Variants in NEK11 observed in about 807,000 individuals in gnomAD.
The protein encoded by NEK11 is NIMA related kinase 11.
NEK11 carries 72 observed loss-of-function variants against 80.7 expected under a neutral mutation model. The observed-to-expected ratio is 0.89, with a 90% CI of 0.74 to 1.08. The LOEUF is 1.08. Ranked by LOEUF, NEK11 falls within the 50% of genes least tolerant of loss-of-function variation. The pLI is 0.00. For synonymous variants in NEK11, 251 were observed against 260.7 expected (o/e 0.96, Z 0.36); for missense variants, 764 against 763.6 (o/e 1.00, Z -0.01).
At chr3:131,092,330 T>C (rs1303798112) in intron 4 of NEK11, among the ~76,000 whole-genome samples, 1 of 152,178 alleles carries the variant, frequency 6.6e-6, no homozygotes, top group Non-Finnish European at 1.5e-5. Flanking sequence ...CTTGAGAGAA[T>C]ATAGAACACC....
In NEK11 at chr3:131,125,695, G is replaced by C. The variant is rs112226050; in HGVS notation, c.456-7050G>C. Reference sequence around the variant, plus strand: ...TAGTACAGCACATAACATCTAGTTGGCACTCAATAATTGTTTTTTGGATTA... The same window carrying C: ...TAGTACAGCACATAACATCTAGTTGCCACTCAATAATTGTTTTTTGGATTA... On this transcript the variant is annotated intron_variant, in intron 5 of 17. Coordinates refer to ENST00000383366, the MANE Select transcript of NEK11 (RefSeq NM_024800.5). Among the ~76,000 whole-genome samples the C allele has an allele frequency of 2.6e-3, 389 of 152,172 alleles. 1 individual carries two copies. The highest frequency in any genetic ancestry group is 8.8e-3 in the African/African-American group (365 of 41,498).
At chr3:131,299,220 T>C (rs2096634525) in intron 17 of NEK11, among the ~76,000 whole-genome samples, 1 of 152,196 alleles carries the variant, frequency 6.6e-6, no homozygotes, top group South Asian at 2.1e-4. Flanking sequence ...TGTTTTTCTT[T>C]TTGTTTGAAA....
chr3:131,231,915 C>T (rs1218467077), intron 15 of NEK11, among the ~76,000 whole-genome samples: 2 of 152,034 alleles, frequency 1.3e-5, no homozygotes, highest in African/African-American at 2.4e-5. Flanking sequence ...TTAGATGGAG[C>T]CAAAGTCACA....
In NEK11 at chr3:131,115,954, C is replaced by CTT. The variant is rs374286113; in HGVS notation, c.455+6035_455+6036dup. 3.6e-5 allele frequency among the ~76,000 whole-genome samples: 5 copies of CTT among 139,466 alleles called. No individual in the cohort carries two copies. In the East Asian group the frequency reaches 1.1e-3, roughly 31 times the overall value. 91.5% of individuals were successfully genotyped at this position (139,466 alleles called of 152,430 possible). A position where few individuals can be genotyped will look rare whatever the true frequency, so the allele number is the denominator to read the frequency against. Reference sequence around the variant, plus strand: ...TCTTTCTTTCTTTCTTTCTTTCTTTCTTTCTTTCTTTCTTTCTTTCTTTCT... The same window carrying CTT: ...TCTTTCTTTCTTTCTTTCTTTCTTTCTTTTTCTTTCTTTCTTTCTTTCTTTCT... On this transcript the variant is annotated intron_variant, in intron 5 of 17. Transcript: ENST00000383366.
chr3:131,028,687 G>C (rs755003898), intron 2 of NEK11, among the ~76,000 whole-genome samples: 16 of 151,920 alleles, frequency 1.1e-4, no homozygotes, highest in Non-Finnish European at 1.8e-4. Context: ...TCAGCCTCCC[G>C]AGTAGCTGGG....
chr3:131,315,118 G>A (rs1448876942), intron 17 of NEK11, among the ~76,000 whole-genome samples: 4 of 152,046 alleles, frequency 2.6e-5, no homozygotes. Flanking sequence ...TAGTTTCTTT[G>A]TGTGTATGTA....
intron 16 of NEK11, among the ~76,000 whole-genome samples, chr3:131,269,703 G>A (rs895166797): frequency 6.6e-6 from 1 of 152,082 alleles, no homozygotes; most frequent in Non-Finnish European, 1.5e-5. Flanking sequence ...TCCAAAAGTA[G>A]TTTTTGAAAA....
intron 4 of NEK11, among the ~76,000 whole-genome samples, chr3:131,089,230 T>G (rs1202660167): frequency 1.3e-5 from 2 of 152,166 alleles, no homozygotes; most frequent in African/African-American, 2.4e-5. Context: ...AAAATACAGA[T>G]TCCTTGGGTC....
At position 131,035,066 on chromosome 3, in the gene NEK11, G is replaced by T. The variant is rs2065444589; in HGVS notation, c.170+5188G>T. ...AGGAAATGCTTTATCTCTACAGAAG[G>T]CATTTTTTCCCCCTCTATCTCATAT... On this transcript the variant is annotated intron_variant, in intron 3 of 17. Coordinates refer to ENST00000383366, the MANE Select transcript of NEK11 (RefSeq NM_024800.5). Among the ~76,000 whole-genome samples the T allele has an allele frequency of 2.0e-5, 3 of 152,210 alleles. No individual in the cohort carries two copies. The South Asian group carries it at 6.2e-4, about 32-fold the overall frequency.
intron 15 of NEK11, among the ~76,000 whole-genome samples, chr3:131,230,337 A>G (rs1203019927): frequency 6.6e-6 from 1 of 152,146 alleles, no homozygotes; most frequent in Non-Finnish European, 1.5e-5. Context: ...TATAACTTGC[A>G]GTTTGCGTGA....
At chr3:131,237,841 TTTAAAGTA>T (rs1480734158) in intron 15 of NEK11, among the ~76,000 whole-genome samples, 9 of 152,198 alleles carry the variant, frequency 5.9e-5, no homozygotes, top group Non-Finnish European at 8.8e-5. Flanking sequence ...TGGCTTGACC[TTTAAAGTA>T]TACTTGGAAT....
At chr3:131,114,041 T>C (rs2080595777) in intron 5 of NEK11, among the ~76,000 whole-genome samples, 1 of 151,004 alleles carries the variant, frequency 6.6e-6, no homozygotes, top group Non-Finnish European at 1.5e-5. Context: ...GAAGTTGGAG[T>C]GAGGAGGGGG....
intron 14 of NEK11, among the ~76,000 whole-genome samples, chr3:131,227,285 C>A (rs905061727): frequency 1.3e-5 from 2 of 152,108 alleles, no homozygotes; most frequent in African/African-American, 2.4e-5. Context: ...CATTAAGTAT[C>A]TTACTTTCAA....
intron 16 of NEK11, among the ~76,000 whole-genome samples, chr3:131,251,121 C>T (rs2095692715): frequency 7.5e-6 from 1 of 133,358 alleles, no homozygotes; most frequent in South Asian, 2.4e-4. Flanking sequence ...GTAGGAAGTC[C>T]AAAACAGATT....
At chr3:131,152,349 T>C (rs1268283025) in intron 7 of NEK11, 39 bp from the exon 8 acceptor site, 5 of 1,547,564 alleles carry the variant, frequency 3.2e-6, no homozygotes, top group East Asian at 2.3e-5. Flanking sequence ...TAAAATAGGA[T>C]ATTTGTTCCT....
In NEK11 at chr3:131,043,900, A is replaced by C. The variant is rs141336444; in HGVS notation, c.170+14022A>C. On this transcript the variant is annotated intron_variant, in intron 3 of 17. Transcript: ENST00000383366. ...TTACCCACAAAGGGAAGCCTATCAGACTAACAACAGACCTCTCTGCAGAAA... is the reference window on the plus strand; with the variant it reads ...TTACCCACAAAGGGAAGCCTATCAGCCTAACAACAGACCTCTCTGCAGAAA... 5.5e-3 allele frequency among the ~76,000 whole-genome samples: 839 copies of C among 152,354 alleles called. 9 individuals carry two copies. Among genetic ancestry groups the C allele is most frequent in the African/African-American group, 0.018 (767 of 41,592 alleles).
chr3:131,263,638 A>C (rs985313791), intron 16 of NEK11, among the ~76,000 whole-genome samples: 1 of 152,170 alleles, frequency 6.6e-6, no homozygotes, highest in Non-Finnish European at 1.5e-5. Context: ...GGTTGGTTCC[A>C]AGTCTTTGTT....
intron 17 of NEK11, among the ~76,000 whole-genome samples, chr3:131,322,409 G>T (rs1015361354): frequency 6.6e-6 from 1 of 152,120 alleles, no homozygotes; most frequent in Admixed American, 6.6e-5. Context: ...GTATACCCAT[G>T]TAACAAACCT....
chr3:131,053,232 C>T lies in NEK11; in HGVS notation c.170+23354C>T, dbSNP rs971031439. 5 of 152,146 alleles carry T rather than the reference C, an allele frequency of 3.3e-5. 1 individual carries two copies. In the South Asian group the frequency reaches 8.3e-4, roughly 25 times the overall value. 9.4% of individuals were successfully genotyped at this position (152,146 alleles called of 1,614,324 possible). Reference sequence around the variant, plus strand: ...AGATGGTGGTAATGTAACATGCAGACCAACTATTAAGACATGTCAACATTT... The same window carrying T: ...AGATGGTGGTAATGTAACATGCAGATCAACTATTAAGACATGTCAACATTT... On this transcript the variant is annotated intron_variant, in intron 3 of 17. Coordinates refer to ENST00000383366, the MANE Select transcript of NEK11 (RefSeq NM_024800.5).
Sources: allele counts gnomAD v4.1 joint callset (sites outside exome capture counted in the v4.1 genomes callset), GRCh38; gene constraint gnomAD v4.1.1; transcripts MANE v1.5; gene names NCBI Gene and HGNC (gene_info 2026-07-23, HGNC 2026-07-21).